The following LINGO1 variants were observed in gnomAD, a reference collection of about 807,000 sequenced individuals.
LINGO1 encodes leucine rich repeat and Ig domain containing 1, also known as leucine-rich repeat and immunoglobulin-like domain-containing nogo receptor-interacting protein 1.
A neutral mutation model predicts 37.3 loss-of-function variants in LINGO1; 11 were observed. The ratio of observed to expected loss-of-function variants is 0.29; its 90% CI spans 0.19 to 0.49. The LOEUF is 0.49. LINGO1 is among the 20% of genes least tolerant of loss of function. LINGO1 has a pLI of 0.99. For synonymous variants in LINGO1, 387 were observed against 403.0 expected, an observed-to-expected ratio of 0.96 and a Z score of 0.48; for missense variants, 585 against 878.2, an observed-to-expected ratio of 0.67 and a Z score of 4.22.
intron 1 of LINGO1, among the ~76,000 whole-genome samples, chr15:77,631,007 G>A (rs1336552619): frequency 6.6e-6 from 1 of 152,188 alleles, no homozygotes; most frequent in Non-Finnish European, 1.5e-5. Context: ...GCTCCTCCCT[G>A]GCTTATACAA....
intron 1 of LINGO1, among the ~76,000 whole-genome samples, chr15:77,774,426 C>T (rs546592039): frequency 1.4e-4 from 21 of 152,256 alleles, no homozygotes; most frequent in Non-Finnish European, 1.9e-4. Context: ...AATTCCACTC[C>T]CAGCCCCCAG....
intron 2 of LINGO1, among the ~76,000 whole-genome samples, chr15:77,686,745 C>A (rs2075517794): frequency 6.6e-6 from 1 of 152,192 alleles, no homozygotes; most frequent in African/African-American, 2.4e-5. Context: ...ATGGCCCCTG[C>A]CTCCAGCACC....
chr15:77,704,432 C>T (rs1202809339), intron 2 of LINGO1, among the ~76,000 whole-genome samples: 1 of 151,790 alleles, frequency 6.6e-6, no homozygotes, highest in East Asian at 1.9e-4. Flanking sequence ...CACACTGAAT[C>T]CCGACCCTGG....
In LINGO1 at chr15:77,615,632, G is replaced by A. The variant is rs1224083791; in HGVS notation, c.275C>T (p.Ala92Val). 15 of 1,612,318 alleles carry A rather than the reference G, an allele frequency of 9.3e-6. No individual in the cohort carries two copies. The highest frequency in any genetic ancestry group is 1.2e-5 in the Non-Finnish European group (14 of 1,179,270). ...RIKTLNQDEF[A>V]SFPHLEELEL... The stretch of plus-strand genomic sequence containing the variant: ...CAGCTCCTCCAGGTGCGGGAAGCTG[G>A]CGAACTCGTCCTGGTTGAGCGTTTT... The change falls in exon 2 of 2, where the codon GCC becomes GTC. Residue 92 changes from alanine to valine, a missense_variant. Transcript: ENST00000355300.
At chr15:77,750,662 G>A (rs926313124) in intron 1 of LINGO1, among the ~76,000 whole-genome samples, 3 of 152,196 alleles carry the variant, frequency 2.0e-5, no homozygotes, top group South Asian at 2.1e-4. Flanking sequence ...CCCCTGTGCT[G>A]AGCCTACTAT....
At chr15:77,703,628 G>A (rs1302591625) in intron 2 of LINGO1, among the ~76,000 whole-genome samples, 2 of 152,292 alleles carry the variant, frequency 1.3e-5, no homozygotes, top group Non-Finnish European at 2.9e-5. Context: ...GGACCCTCCA[G>A]AGCTCCAAAA....
chr15:77,683,099 G>A (rs1224363564), intron 2 of LINGO1, among the ~76,000 whole-genome samples: 3 of 152,220 alleles, frequency 2.0e-5, no homozygotes, highest in African/African-American at 7.2e-5. Context: ...CACAGAGGAA[G>A]AAACACCCAT....
At chr15:77,688,155 G>A (rs1231195656) in intron 2 of LINGO1, among the ~76,000 whole-genome samples, 1 of 152,176 alleles carries the variant, frequency 6.6e-6, no homozygotes, top group Non-Finnish European at 1.5e-5. Flanking sequence ...AGACTGGCCT[G>A]GATGGACATC....
chr15:77,618,222 C>A (rs1011584945), intron 1 of LINGO1, among the ~76,000 whole-genome samples: 12 of 152,226 alleles, frequency 7.9e-5, no homozygotes, highest in African/African-American at 2.9e-4. Flanking sequence ...AGTGAGGACA[C>A]GGGCCACCCC....
At chr15:77,781,441 T>A (rs1352771086) in intron 1 of LINGO1, among the ~76,000 whole-genome samples, 2 of 152,192 alleles carry the variant, frequency 1.3e-5, no homozygotes, top group Non-Finnish European at 2.9e-5. Context: ...TAAATATACA[T>A]TTTCATAAGA....
intron 2 of LINGO1, among the ~76,000 whole-genome samples, chr15:77,722,692 C>T (rs1457457167): frequency 1.3e-5 from 2 of 152,184 alleles, no homozygotes; most frequent in Non-Finnish European, 2.9e-5. Flanking sequence ...TAGAGATATG[C>T]GCTGAAATAT....
chr15:77,709,543 T>C (rs1451976487), intron 2 of LINGO1, among the ~76,000 whole-genome samples: 1 of 152,242 alleles, frequency 6.6e-6, no homozygotes, highest in African/African-American at 2.4e-5. Flanking sequence ...TGGGTCTTCC[T>C]TTTGTGCCTT....
intron 1 of LINGO1, among the ~76,000 whole-genome samples, chr15:77,616,433 C>T (rs1227446548): frequency 1.3e-5 from 2 of 152,214 alleles, no homozygotes; most frequent in South Asian, 2.1e-4. Context: ...GGGGGCCCCA[C>T]TCGCTCAGCC....
At chr15:77,819,389 T>G (rs1735402971) in intron 1 of LINGO1, 1 of 151,148 alleles carries the variant, frequency 6.6e-6, no homozygotes, top group South Asian at 2.1e-4. Flanking sequence ...TCCGCGATGG[T>G]GGCCGCGGCG....
chr15:77,659,511 T>C (rs964541090), intron 3 of LINGO1, among the ~76,000 whole-genome samples: 1 of 152,180 alleles, frequency 6.6e-6, no homozygotes, highest in African/African-American at 2.4e-5. Flanking sequence ...AGAACCATGT[T>C]CCAGTTGTGG....
intron 3 of LINGO1, among the ~76,000 whole-genome samples, chr15:77,667,376 G>C (rs922229728): frequency 6.6e-6 from 1 of 152,322 alleles, no homozygotes; most frequent in East Asian, 1.9e-4. Flanking sequence ...CAGGGATGTG[G>C]AGCCTGCTCT....
At chr15:77,659,253 G>C (rs2074934731) in intron 3 of LINGO1, among the ~76,000 whole-genome samples, 1 of 152,158 alleles carries the variant, frequency 6.6e-6, no homozygotes. Flanking sequence ...GCCGTCCCCA[G>C]AACACCATGC....
chr15:77,723,213 T>C (rs1210493678), intron 2 of LINGO1, among the ~76,000 whole-genome samples: 2 of 129,632 alleles, frequency 1.5e-5, no homozygotes, highest in African/African-American at 2.9e-5. Context: ...CACAGAGCAG[T>C]GAGCGCGGCC....
intron 2 of LINGO1, among the ~76,000 whole-genome samples, chr15:77,703,097 C>T (rs1003039742): frequency 2.0e-5 from 3 of 152,224 alleles, no homozygotes; most frequent in African/African-American, 7.2e-5. Flanking sequence ...GTGAAGCAAA[C>T]TGCTCTGTCC....
Sources: allele counts gnomAD v4.1 joint callset (sites outside exome capture counted in the v4.1 genomes callset), GRCh38; gene constraint gnomAD v4.1.1; transcripts MANE v1.5; gene names NCBI Gene and HGNC (gene_info 2026-07-23, HGNC 2026-07-21).